Variants in SECTM1 observed in about 807,000 individuals in gnomAD.
The protein encoded by SECTM1 is secreted and transmembrane 1, also known as secreted and transmembrane protein 1.
In SECTM1, 10 loss-of-function variants were observed where a neutral mutation model predicts 18.1. That is an observed-to-expected ratio of 0.55 (90% confidence interval 0.34 to 0.94). SECTM1 has a LOEUF of 0.94. Ranked by LOEUF, SECTM1 falls within the 40% of genes least tolerant of loss-of-function variation. The pLI is 0.02. For missense variants in SECTM1, 297 were observed against 322.6 expected (o/e 0.92, Z 0.61); for synonymous variants, 137 against 139.2 (o/e 0.98, Z 0.11).
intron 1 of SECTM1, among the ~76,000 whole-genome samples, chr17:82,327,945 A>G (rs183338216): frequency 0.017 from 383 of 22,646 alleles, 7 homozygotes; most frequent in Non-Finnish European, 0.021. Flanking sequence ...CCCGTCCACC[A>G]GCCCCCCCAC....
rs549125703 is a variant in SECTM1, at chr17:82,330,809, G to C, written c.-53+2891C>G. Among the ~76,000 whole-genome samples, 5 of 152,264 alleles carry C rather than the reference G, an allele frequency of 3.3e-5. No homozygotes were observed. The South Asian group carries it at 1.0e-3, about 32-fold the overall frequency. ...AAGACCTGGGGCCCTGGGCTGCAGT[G>C]GTTGGGGAGAGGGGGGTGGGAGTGA... On this transcript the variant is annotated intron_variant, in intron 1 of 4. Coordinates refer to ENST00000269389, the MANE Select transcript of SECTM1 (RefSeq NM_003004.3). The surrounding 1 kb of genome is among the most constrained non-coding windows in gnomAD (Gnocchi z 6.1).
At position 82,326,624 on chromosome 17, in the gene SECTM1, T is replaced by TGAA. The variant is rs2052147919; in HGVS notation, c.94+522_94+523insTTC. 6.7e-6 allele frequency among the ~76,000 whole-genome samples: 1 copy of TGAA among 150,296 alleles called. No homozygotes were observed. The highest frequency in any genetic ancestry group is 1.5e-5 in the Non-Finnish European group (1 of 67,484). The stretch of plus-strand genomic sequence containing the variant: ...TAGAACCCGTCTCAAAAAAAAAAGA[T>TGAA]AAGAAAAGAAAAGCCCCTCAGGTCA... On this transcript the variant is annotated intron_variant, in intron 2 of 4. Transcript: ENST00000269389. This position sits in a 1 kb window ranked among gnomAD's most constrained non-coding sequence, Gnocchi z 4.3.
rs1412986445 is a variant in SECTM1, at chr17:82,327,242, G to A, written c.-2C>T. 1.9e-6 allele frequency: 3 copies of A among 1,603,160 alleles called. No homozygotes were observed. The highest frequency in any genetic ancestry group is 2.6e-6 in the Non-Finnish European group (3 of 1,174,740). Reference sequence around the variant, plus strand: ...GAATGCCAGGGGGCAGGTCTGCATGGCTGGTGGGACTTGGGCCCCTGGTCC... The same window carrying A: ...GAATGCCAGGGGGCAGGTCTGCATGACTGGTGGGACTTGGGCCCCTGGTCC... On this transcript the variant is annotated 5_prime_UTR_variant, in exon 2 of 5. Transcript: ENST00000269389.
intron 1 of SECTM1, among the ~76,000 whole-genome samples, chr17:82,333,059 C>A (rs929565933): frequency 6.6e-6 from 1 of 152,212 alleles, no homozygotes; most frequent in Non-Finnish European, 1.5e-5. Context: ...GAGGGCCTGC[C>A]GGGTGAGGGA....
intron 1 of SECTM1, among the ~76,000 whole-genome samples, chr17:82,327,614 A>G (rs989853096): frequency 6.6e-6 from 1 of 152,176 alleles, no homozygotes; most frequent in Non-Finnish European, 1.5e-5. Context: ...TGTTTCCTAT[A>G]GAAATGGGTC....
Position 82,321,847 on chromosome 17 carries a change from C to G in SECTM1, c.*314G>C, listed in dbSNP as rs370828891. The G allele has an allele frequency of 7.0e-5, 26 of 370,438 alleles. No homozygotes were observed. In the East Asian group the frequency reaches 8.8e-4, roughly 13 times the overall value. 22.9% of individuals were successfully genotyped at this position (370,438 alleles called of 1,614,324 possible). On this transcript the variant is annotated 3_prime_UTR_variant, in exon 5 of 5. Transcript: ENST00000269389. ...AGCGGACCCCACACCTGGGGCCGGA[C>G]CAGCCTGGGGTGGCAGAAAGGGAGT...
In SECTM1 at chr17:82,321,767, C is replaced by T. The variant is rs1025444979; in HGVS notation, c.*394G>A. 8.8e-5 allele frequency: 20 copies of T among 227,216 alleles called. No homozygotes were observed. Among genetic ancestry groups the T allele is most frequent in the Non-Finnish European group, 3.6e-5 (4 of 111,462 alleles). 14.1% of individuals were successfully genotyped at this position (227,216 alleles called of 1,614,324 possible). On this transcript the variant is annotated 3_prime_UTR_variant, in exon 5 of 5. Coordinates refer to ENST00000269389, the MANE Select transcript of SECTM1 (RefSeq NM_003004.3). ...CCCACAGCCCTGAACTGGAGTGTGT[C>T]TGAGGCTCCGGCAGGGGCCCCCTCA...
At chr17:82,324,102 C>T (rs1314369261) in intron 3 of SECTM1, among the ~76,000 whole-genome samples, 3 of 151,794 alleles carry the variant, frequency 2.0e-5, no homozygotes, top group Non-Finnish European at 4.4e-5. Context: ...GCAGGTGCCT[C>T]GAAGCCAGGT....
Position 82,321,113 on chromosome 17 carries a change from G to C in SECTM1, c.*1048C>G, listed in dbSNP as rs557101169. On this transcript the variant is annotated 3_prime_UTR_variant, in exon 5 of 5. Coordinates refer to ENST00000269389, the MANE Select transcript of SECTM1 (RefSeq NM_003004.3). ...CTGGCTCCGGCCCGACCCTCAGGGC[G>C]GCCGGCTGTGCGAGGCCTCGGTCAC... 6.6e-6 allele frequency: 1 copy of C among 152,130 alleles called. No homozygotes were observed. Among genetic ancestry groups the C allele is most frequent in the Non-Finnish European group, 1.5e-5 (1 of 68,024 alleles). 9.4% of individuals were successfully genotyped at this position (152,130 alleles called of 1,614,324 possible).
intron 3 of SECTM1, among the ~76,000 whole-genome samples, chr17:82,324,184 G>T (rs2052124086): frequency 1.3e-5 from 2 of 152,094 alleles, no homozygotes; most frequent in African/African-American, 2.4e-5. Context: ...CGGGGTGGGG[G>T]TGGCAGGGAG....
At position 82,326,046 on chromosome 17, in the gene SECTM1, G is replaced by A. The variant is rs1291051587; in HGVS notation, c.94+1101C>T. Among the ~76,000 whole-genome samples the A allele has an allele frequency of 2.0e-5, 3 of 152,210 alleles. No individual in the cohort carries two copies. Among genetic ancestry groups the A allele is most frequent in the African/African-American group, 7.2e-5 (3 of 41,456 alleles). On this transcript the variant is annotated intron_variant, in intron 2 of 4. Coordinates refer to ENST00000269389, the MANE Select transcript of SECTM1 (RefSeq NM_003004.3). This position sits in a 1 kb window ranked among gnomAD's most constrained non-coding sequence, Gnocchi z 4.3. ...GGCTGCCTGCCTGGACGCTCTGAGTGTTCAGGGACTGCAGGGCCTCTAAGG... is the reference window on the plus strand; with the variant it reads ...GGCTGCCTGCCTGGACGCTCTGAGTATTCAGGGACTGCAGGGCCTCTAAGG...
In SECTM1 at chr17:82,330,498, C is replaced by T. The variant is rs558139083; in HGVS notation, c.-53+3202G>A. Among the ~76,000 whole-genome samples the T allele has an allele frequency of 5.3e-5, 8 of 152,242 alleles. No individual in the cohort carries two copies. In the South Asian group the frequency reaches 6.2e-4, roughly 12 times the overall value. ...TCTGTGTCCTGAGTCAGCCCTGACTCGGCAGAGAGCTGCACCCTGAGCCAG... is the reference window on the plus strand; with the variant it reads ...TCTGTGTCCTGAGTCAGCCCTGACTTGGCAGAGAGCTGCACCCTGAGCCAG... On this transcript the variant is annotated intron_variant, in intron 1 of 4. Coordinates refer to ENST00000269389, the MANE Select transcript of SECTM1 (RefSeq NM_003004.3). This position sits in a 1 kb window ranked among gnomAD's most constrained non-coding sequence, Gnocchi z 6.1.
rs1344862944 is a variant in SECTM1 at position 82,321,478 on chromosome 17, AGGTGCGGTGGG to A, written c.*672_*682del. On this transcript the variant is annotated 3_prime_UTR_variant, in exon 5 of 5. Coordinates refer to ENST00000269389, the MANE Select transcript of SECTM1 (RefSeq NM_003004.3). ...AGATCTGGGTCCAAAGAGGCTCGGCAGGTGCGGTGGGCACGAGGGAGCGACCCCCGGGTGGC... is the reference window on the plus strand; with the variant it reads ...AGATCTGGGTCCAAAGAGGCTCGGCACACGAGGGAGCGACCCCCGGGTGGC... 1 of 152,508 alleles carries A rather than the reference AGGTGCGGTGGG, an allele frequency of 6.6e-6. No individual in the cohort carries two copies. The highest frequency in any genetic ancestry group is 1.5e-5 in the Non-Finnish European group (1 of 68,168). The allele number at this position is 152,508 out of a possible 1,614,324, so 9.4% of individuals were successfully genotyped here.
At position 82,327,269 on chromosome 17, in the gene SECTM1, T is replaced by C; in HGVS notation, c.-29A>G. On this transcript the variant is annotated 5_prime_UTR_variant, in exon 2 of 5. Coordinates refer to ENST00000269389, the MANE Select transcript of SECTM1 (RefSeq NM_003004.3). ...TGGTGGGACTTGGGCCCCTGGTCCT[T>C]GTCACTGGCTCTTGAAACACTCCCT... 2 of 1,563,256 alleles carry C rather than the reference T, an allele frequency of 1.3e-6. No homozygotes were observed. Among genetic ancestry groups the C allele is most frequent in the Non-Finnish European group, 1.7e-6 (2 of 1,147,254 alleles).
chr17:82,323,092 T>G, intron 3 of SECTM1, 81 bp from the exon 4 acceptor site: 1 of 1,455,326 alleles, frequency 6.9e-7, no homozygotes, highest in Non-Finnish European at 9.4e-7. Flanking sequence ...CCCAGCCTCC[T>G]CCTCCTACAC....
At chr17:82,327,554 G>A (rs1401755463) in intron 1 of SECTM1, among the ~76,000 whole-genome samples, 1 of 152,192 alleles carries the variant, frequency 6.6e-6, no homozygotes, top group Non-Finnish European at 1.5e-5. Flanking sequence ...TCTGCCTTGC[G>A]GGTCAGCCCT....
Position 82,325,859 on chromosome 17 carries a change from G to T in SECTM1, c.95-969C>A, listed in dbSNP as rs1196630997. Reference sequence around the variant, plus strand: ...TGAGCTCTCGGGGAGCACACAGCATGCTGGTTGGAGCCGCCATTTGGCCAC... The same window carrying T: ...TGAGCTCTCGGGGAGCACACAGCATTCTGGTTGGAGCCGCCATTTGGCCAC... On this transcript the variant is annotated intron_variant, in intron 2 of 4. Coordinates refer to ENST00000269389, the MANE Select transcript of SECTM1 (RefSeq NM_003004.3). The surrounding 1 kb of genome is among the most constrained non-coding windows in gnomAD (Gnocchi z 7.6). 1.3e-5 allele frequency among the ~76,000 whole-genome samples: 2 copies of T among 152,254 alleles called. No homozygotes were observed. Among genetic ancestry groups the T allele is most frequent in the Non-Finnish European group, 2.9e-5 (2 of 68,054 alleles).
Position 82,322,380 on chromosome 17 carries a change from G to T in SECTM1, c.538-10C>A, listed in dbSNP as rs748683830. On this transcript the variant is annotated splice_polypyrimidine_tract_variant and intron_variant, in intron 4 of 4. Transcript: ENST00000269389. The stretch of plus-strand genomic sequence containing the variant: ...GGAGGAAGAACTTCTTCTGCAGGGG[G>T]AGGAAGGAGGTGCCTGTGTGAGCCG... 4 of 1,613,128 alleles carry T rather than the reference G, an allele frequency of 2.5e-6. No individual in the cohort carries two copies. Among genetic ancestry groups the T allele is most frequent in the Non-Finnish European group, 3.4e-6 (4 of 1,179,496 alleles).
intron 3 of SECTM1, among the ~76,000 whole-genome samples, chr17:82,323,855 C>T (rs1368757230): frequency 1.3e-5 from 2 of 149,904 alleles, no homozygotes; most frequent in African/African-American, 4.9e-5. Context: ...AGCGAGCATC[C>T]CCTGAGGGCA....
Sources: allele counts gnomAD v4.1 joint callset (sites outside exome capture counted in the v4.1 genomes callset), GRCh38; gene constraint gnomAD v4.1.1; non-coding constraint Gnocchi (gnomAD v3.1); transcripts MANE v1.5; gene names NCBI Gene and HGNC (gene_info 2026-07-23, HGNC 2026-07-21).